The following PLBD2 variants were observed in gnomAD, a reference collection of about 807,000 sequenced individuals.
The protein encoded by PLBD2 is phospholipase B domain containing 2.
In PLBD2, 51 loss-of-function variants were observed where a neutral mutation model predicts 68.3. The observed-to-expected ratio is 0.75, with a 90% CI of 0.60 to 0.94. The LOEUF (loss-of-function observed/expected upper bound fraction) is 0.94. PLBD2 is among the 40% of genes least tolerant of loss of function. The pLI is 0.00. For synonymous variants in PLBD2, 314 were observed against 339.3 expected (o/e 0.93, Z 0.82); for missense variants, 729 against 792.2 (o/e 0.92, Z 0.96).
Position 113,390,606 on chromosome 12 carries a change from C to A in PLBD2, c.*1980C>A, listed in dbSNP as rs1259290634. ...TCTACCCACTCACCCATCCATCCAA[C>A]CTTCCAACCATTTATCCACCCATCC... On this transcript the variant is annotated 3_prime_UTR_variant, in exon 12 of 12. Coordinates refer to ENST00000280800, the MANE Select transcript of PLBD2 (RefSeq NM_173542.4). 6.6e-6 allele frequency: 1 copy of A among 152,100 alleles called. No homozygotes were observed. Among genetic ancestry groups the A allele is most frequent in the African/African-American group, 2.4e-5 (1 of 41,364 alleles). The allele number at this position is 152,100 out of a possible 1,614,324, so 9.4% of individuals were successfully genotyped here. A position where few individuals can be genotyped will look rare whatever the true frequency, so the allele number is the denominator to read the frequency against.
At chr12:113,369,091 T>C in intron 1 of PLBD2, 25 bp from the exon 2 acceptor site, 1 of 1,542,684 alleles carries the variant, frequency 6.5e-7, no homozygotes, top group Middle Eastern at 1.7e-4. Flanking sequence ...TGCTGCTGAC[T>C]GAGTGTCCCC....
At chr12:113,362,029 G>A (rs1012121955) in intron 1 of PLBD2, among the ~76,000 whole-genome samples, 2 of 152,104 alleles carry the variant, frequency 1.3e-5, no homozygotes, top group African/African-American at 4.8e-5. Flanking sequence ...AACAATCACA[G>A]GAGATGAATC....
intron 6 of PLBD2, among the ~76,000 whole-genome samples, chr12:113,382,111 C>T (rs1957496639): frequency 6.6e-6 from 1 of 152,224 alleles, no homozygotes; most frequent in Non-Finnish European, 1.5e-5. Context: ...GTGTGAGCCA[C>T]TGTGCCTGGC....
intron 1 of PLBD2, among the ~76,000 whole-genome samples, chr12:113,363,509 C>A (rs1319837373): frequency 2.0e-5 from 3 of 151,338 alleles, no homozygotes; most frequent in African/African-American, 7.3e-5. Context: ...CTCCCCCTAC[C>A]ATTCTTCCTA....
chr12:113,380,370 C>T (rs1384088365), intron 5 of PLBD2, among the ~76,000 whole-genome samples: 3 of 152,166 alleles, frequency 2.0e-5, no homozygotes, highest in Admixed American at 1.3e-4. Flanking sequence ...CTCCTGACCT[C>T]GTGATCCGCC....
chr12:113,370,472 CTT>C (rs71086162), intron 2 of PLBD2, among the ~76,000 whole-genome samples: 2,105 of 103,504 alleles, frequency 0.02, 35 homozygotes, highest in East Asian at 0.13. Flanking sequence ...TTTTTCTTTT[CTT>C]TTTTTTTTTT....
chr12:113,363,606 C>A (rs1289880813), intron 1 of PLBD2, among the ~76,000 whole-genome samples: 1 of 136,830 alleles, frequency 7.3e-6, no homozygotes, highest in South Asian at 2.3e-4. Context: ...GGCGCGATTT[C>A]GGGTCGCTGC....
intron 6 of PLBD2, among the ~76,000 whole-genome samples, chr12:113,382,868 T>TGTGTGTGTCTG (rs1491184280): frequency 4.8e-4 from 40 of 83,508 alleles, no homozygotes; most frequent in African/African-American, 1.7e-3. Context: ...TGTGTGTGTG[T>TGTGTGTGTCTG]TTTTTTTTTT....
At chr12:113,383,077 G>A (rs1957511931) in intron 6 of PLBD2, among the ~76,000 whole-genome samples, 1 of 152,086 alleles carries the variant, frequency 6.6e-6, no homozygotes, top group Non-Finnish European at 1.5e-5. Flanking sequence ...ATATGCTGAA[G>A]GCAGCCAAGG....
intron 6 of PLBD2, among the ~76,000 whole-genome samples, chr12:113,382,526 T>TC (rs1027418006): frequency 6.6e-6 from 1 of 151,914 alleles, no homozygotes; most frequent in African/African-American, 2.4e-5. Flanking sequence ...CACTGCAGCC[T>TC]CTATCACCTC....
At chr12:113,376,321 G>A (rs1322946004) in intron 5 of PLBD2, among the ~76,000 whole-genome samples, 1 of 151,672 alleles carries the variant, frequency 6.6e-6, no homozygotes, top group African/African-American at 2.4e-5. Context: ...GCACCACTGT[G>A]TCTGGCTAAT....
At position 113,386,901 on chromosome 12, in the gene PLBD2, G is replaced by T; in HGVS notation, c.1287-36G>T. ...CCACAGCCTTGGCTGAGTGAGGCCA[G>T]TGGGGGTCATGGGTGACCATCCTTG... On this transcript the variant is annotated intron_variant, in intron 9 of 11. Transcript: ENST00000280800. 4 of 1,606,462 alleles carry T rather than the reference G, an allele frequency of 2.5e-6. No homozygotes were observed. The East Asian group carries it at 6.7e-5, about 27-fold the overall frequency.
Position 113,384,020 on chromosome 12 carries a change from A to G in PLBD2, c.958-85A>G, listed in dbSNP as rs866320124. ...TCAAAAAAAAAAAAAAAAAAAAAAA[A>G]TTTTTGGAGCCATGACTGATGAAGT... On this transcript the variant is annotated intron_variant, in intron 6 of 11. Transcript: ENST00000280800. This position sits in a 1 kb window ranked among gnomAD's most constrained non-coding sequence, Gnocchi z 4.2. 8 of 992,044 alleles carry G rather than the reference A, an allele frequency of 8.1e-6. No homozygotes were observed. Among genetic ancestry groups the G allele is most frequent in the Admixed American group, 3.6e-5 (1 of 27,524 alleles). The allele number at this position is 992,044 out of a possible 1,614,324, so 61.5% of individuals were successfully genotyped here. A position where few individuals can be genotyped will look rare whatever the true frequency, so the allele number is the denominator to read the frequency against.
chr12:113,370,492 T>TTTTG, intron 2 of PLBD2, among the ~76,000 whole-genome samples: 1 of 146,002 alleles, frequency 6.8e-6, no homozygotes, highest in Non-Finnish European at 1.5e-5. Context: ...TTTTTTTTTT[T>TTTTG]TTGAGACAGA....
At chr12:113,361,464 C>T (rs1184182760) in intron 1 of PLBD2, among the ~76,000 whole-genome samples, 2 of 151,400 alleles carry the variant, frequency 1.3e-5, no homozygotes, top group African/African-American at 4.9e-5. Flanking sequence ...CTCGGCCTCC[C>T]AAGTAGCTGG....
chr12:113,380,865 C>T (rs753779125), intron 6 of PLBD2, 23 bp downstream of exon 6: 1 of 1,543,448 alleles, frequency 6.5e-7, no homozygotes, highest in South Asian at 1.2e-5. Flanking sequence ...CTCATGTCTC[C>T]TCTGTTCCTG....
chr12:113,385,425 A>G, intron 9 of PLBD2, 142 bp downstream of exon 9: 1 of 759,594 alleles, frequency 1.3e-6, no homozygotes, highest in Non-Finnish European at 2.2e-6. Context: ...GAGAGCCCAG[A>G]CAGTTTGGCA....
At chr12:113,376,386 A>T (rs1210395908) in intron 5 of PLBD2, among the ~76,000 whole-genome samples, 2 of 133,138 alleles carry the variant, frequency 1.5e-5, no homozygotes, top group Non-Finnish European at 3.3e-5. Flanking sequence ...CTGGTCTTGA[A>T]CTCCTGACCT....
At chr12:113,379,823 A>G (rs1957469742) in intron 5 of PLBD2, among the ~76,000 whole-genome samples, 1 of 152,162 alleles carries the variant, frequency 6.6e-6, no homozygotes, top group South Asian at 2.1e-4. Context: ...AAAAAAAAAA[A>G]ATGTCCAGTG....
Sources: allele counts gnomAD v4.1 joint callset (sites outside exome capture counted in the v4.1 genomes callset), GRCh38; gene constraint gnomAD v4.1.1; non-coding constraint Gnocchi (gnomAD v3.1); transcripts MANE v1.5; gene names NCBI Gene and HGNC (gene_info 2026-07-23, HGNC 2026-07-21).